The following FHL2 variants were observed in gnomAD, a reference collection of about 807,000 sequenced individuals.
FHL2 encodes the protein four and a half LIM domains protein 2.
In FHL2, 20 loss-of-function variants were observed where a neutral mutation model predicts 32.7. That is an observed-to-expected ratio of 0.61 (90% CI 0.43 to 0.89). FHL2 has a LOEUF of 0.89. Among genes scored for constraint, FHL2 ranks in the 40% least tolerant of loss-of-function variants. FHL2 has a pLI of 0.00. For synonymous variants in FHL2, 123 were observed against 128.1 expected (o/e 0.96, Z 0.27); for missense variants, 311 against 358.6 (o/e 0.87, Z 1.07).
intron 1 of FHL2, among the ~76,000 whole-genome samples, chr2:105,414,193 A>G (rs1474569209): frequency 6.6e-6 from 1 of 152,210 alleles, no homozygotes; most frequent in African/African-American, 2.4e-5. Flanking sequence ...ATGGGGAAAG[A>G]CACGTGGAGC....
chr2:105,419,914 T>C (rs1684048613), intron 1 of FHL2, among the ~76,000 whole-genome samples: 1 of 152,190 alleles, frequency 6.6e-6, no homozygotes, highest in Non-Finnish European at 1.5e-5. Flanking sequence ...CTATACTACA[T>C]AGTCCAGTAT....
chr2:105,438,085 A>G (rs539963017), intron 1 of FHL2, among the ~76,000 whole-genome samples: 1 of 152,314 alleles, frequency 6.6e-6, no homozygotes, highest in East Asian at 1.9e-4. Flanking sequence ...TCCCACTGAA[A>G]GGGGGCAGAG....
chr2:105,427,112 G>C (rs1353879102), intron 1 of FHL2, among the ~76,000 whole-genome samples: 1 of 152,138 alleles, frequency 6.6e-6, no homozygotes, highest in Non-Finnish European at 1.5e-5. Flanking sequence ...AAGAAAACCT[G>C]CAAAGATGGT....
At chr2:105,366,987 C>T (rs180904158) in intron 5 of FHL2, among the ~76,000 whole-genome samples, 7 of 152,322 alleles carry the variant, frequency 4.6e-5, no homozygotes, top group African/African-American at 1.7e-4. Context: ...CTAAGGTAAT[C>T]CACCAGCCTT....
chr2:105,401,595 T>C (rs2104642491), upstream of FHL2, among the ~76,000 whole-genome samples: 1 of 152,314 alleles, frequency 6.6e-6, no homozygotes, highest in South Asian at 2.1e-4. Context: ...AGAGTAGTCA[T>C]TGTAGAATTG....
intron 3 of FHL2, 133 bp from the exon 4 acceptor site, chr2:105,373,866 T>A (rs982392641): frequency 2.7e-6 from 2 of 746,630 alleles, no homozygotes; most frequent in African/African-American, 1.7e-5. Flanking sequence ...CGCACCCACA[T>A]TCATGCCCCA....
intron 5 of FHL2, among the ~76,000 whole-genome samples, chr2:105,364,639 C>T (rs1435805102): frequency 6.6e-6 from 1 of 152,142 alleles, no homozygotes; most frequent in Non-Finnish European, 1.5e-5. Flanking sequence ...TAGGTGGCCT[C>T]AGCTTGGCAA....
At chr2:105,370,279 G>GT (rs1680954350) in intron 4 of FHL2, among the ~76,000 whole-genome samples, 1 of 152,096 alleles carries the variant, frequency 6.6e-6, no homozygotes, top group African/African-American at 2.4e-5. Flanking sequence ...GGAGGCTGAG[G>GT]TGGGAGGATC....
intron 1 of FHL2, among the ~76,000 whole-genome samples, chr2:105,409,728 C>G (rs1007354152): frequency 6.6e-6 from 1 of 152,152 alleles, no homozygotes; most frequent in African/African-American, 2.4e-5. Context: ...TAAAATCCAC[C>G]TTGGAGCCAT....
In FHL2 at chr2:105,373,619, C is replaced by T. The variant is rs1329794624; in HGVS notation, c.271G>A (p.Asp91Asn). The change falls in exon 4 of 7, where the codon GAC becomes AAC. Residue 91 changes from aspartate (D) to asparagine (N), a missense_variant. Coordinates refer to ENST00000530340, the MANE Select transcript of FHL2 (RefSeq NM_001318895.3). ...GATGAGTACTCGTTGGAATAGCAGTCTGTACAGAGCAGCTGGTCCTCCTTG... is the reference window on the plus strand; with the variant it reads ...GATGAGTACTCGTTGGAATAGCAGTTTGTACAGAGCAGCTGGTCCTCCTTG... ...AAKEDQLLCT[D>N]CYSNEYSSKC... 6.2e-7 allele frequency: 1 copy of T among 1,614,098 alleles called. No individual in the cohort carries two copies. The highest frequency in any genetic ancestry group is 1.3e-5 in the African/African-American group (1 of 74,938).
At chr2:105,406,676 G>A (rs1228574801) in intron 1 of FHL2, among the ~76,000 whole-genome samples, 5 of 152,154 alleles carry the variant, frequency 3.3e-5, no homozygotes, top group Non-Finnish European at 5.9e-5. Context: ...ATGCTTGAGA[G>A]GTTTTCTTTT....
At chr2:105,429,026 T>G (rs962959315) in intron 1 of FHL2, among the ~76,000 whole-genome samples, 1 of 152,162 alleles carries the variant, frequency 6.6e-6, no homozygotes, top group Admixed American at 6.5e-5. Flanking sequence ...ATGTTGAAAG[T>G]TAACTGTGAG....
Position 105,386,412 on chromosome 2 carries a change from C to G in FHL2, c.105G>C (p.Leu35=). The stretch of plus-strand genomic sequence containing the variant: ...CACACTCCTCGCAGGTGTTGGCGAA[C>G]AGGGTCTCAAAGCACACCACGCAGT... ...SPYCVVCFET[L]FANTCEECGK... Residue 35 remains leucine, a synonymous_variant, in exon 3 of 7, where the codon CTG becomes CTC. Transcript: ENST00000530340. 1.2e-6 allele frequency: 2 copies of G among 1,614,226 alleles called. No homozygotes were observed.
intron 1 of FHL2, among the ~76,000 whole-genome samples, chr2:105,418,097 A>T (rs552660955): frequency 6.6e-6 from 1 of 152,322 alleles, no homozygotes; most frequent in African/African-American, 2.4e-5. Context: ...TATATTTTGT[A>T]ATAGGACTGG....
At chr2:105,369,752 A>G (rs1680890135) in intron 4 of FHL2, among the ~76,000 whole-genome samples, 2 of 152,260 alleles carry the variant, frequency 1.3e-5, no homozygotes, top group Admixed American at 1.3e-4. Flanking sequence ...CAAGCAGCCC[A>G]GAAGCCAAAG....
chr2:105,360,598 C>T (rs1202916644), downstream of FHL2: 1 of 152,484 alleles, frequency 6.6e-6, no homozygotes, highest in Non-Finnish European at 1.5e-5. Flanking sequence ...CCTCATGATC[C>T]ACCCGCCTTG....
At chr2:105,426,317 G>A (rs1376108530) in intron 1 of FHL2, among the ~76,000 whole-genome samples, 3 of 152,170 alleles carry the variant, frequency 2.0e-5, no homozygotes, top group Non-Finnish European at 2.9e-5. Flanking sequence ...GGAAAAGTCA[G>A]TATTCATTTT....
At chr2:105,396,572 C>T (rs537638254) in intron 2 of FHL2, 75 bp downstream of exon 2, 1 of 1,353,552 alleles carries the variant, frequency 7.4e-7, no homozygotes, top group South Asian at 1.2e-5. Context: ...CAAGTTGACA[C>T]ATGAAAGTAA....
intron 3 of FHL2, chr2:105,377,681 A>G (rs1359792939): frequency 5.6e-6 from 1 of 179,726 alleles, no homozygotes; most frequent in Non-Finnish European, 1.2e-5. Flanking sequence ...CAGGTAAAAA[A>G]CACCGTTTCA....
Sources: gnomAD v4.1 joint callset for allele counts (sites outside exome capture counted in the v4.1 genomes callset) on GRCh38, gnomAD v4.1.1 for gene constraint, MANE v1.5 for transcripts, NCBI Gene and HGNC (gene_info 2026-07-23, HGNC 2026-07-21) for gene names.